Variants in TMEM117 observed in about 807,000 individuals in gnomAD.
TMEM117 encodes transmembrane protein 117.
In TMEM117, 27 loss-of-function variants were observed where a neutral mutation model predicts 52.4. That is an observed-to-expected ratio of 0.51 (90% CI 0.38 to 0.71). The LOEUF is 0.71. TMEM117 is among the 30% of genes least tolerant of loss of function. The pLI is 0.00. For synonymous variants in TMEM117, 215 were observed against 206.3 expected (o/e 1.04, Z -0.36); for missense variants, 556 against 630.5 (o/e 0.88, Z 1.26).
chr12:43,835,715 C>T (rs549330039), upstream of TMEM117, among the ~76,000 whole-genome samples: 14 of 152,258 alleles, frequency 9.2e-5, no homozygotes, highest in South Asian at 2.9e-3. Flanking sequence ...CAGCCGCCCC[C>T]CAACCCCCAC....
intron 2 of TMEM117, among the ~76,000 whole-genome samples, chr12:43,883,840 G>GT (rs1943941943): frequency 6.6e-6 from 1 of 151,830 alleles, no homozygotes. Flanking sequence ...AGGAAATATA[G>GT]TAAGAGTGGC....
At chr12:44,249,332 C>T (rs979737364) in intron 5 of TMEM117, among the ~76,000 whole-genome samples, 4 of 151,870 alleles carry the variant, frequency 2.6e-5, no homozygotes, top group South Asian at 2.1e-4. Context: ...ATCCATACAA[C>T]GGGTAAAATT....
At chr12:44,147,382 C>CT (rs1948658250) in intron 4 of TMEM117, among the ~76,000 whole-genome samples, 1 of 152,106 alleles carries the variant, frequency 6.6e-6, no homozygotes, top group Admixed American at 6.5e-5. Context: ...CTGATGAGGT[C>CT]TAAGGTGGCA....
At chr12:43,991,935 G>T (rs765972644) in intron 3 of TMEM117, among the ~76,000 whole-genome samples, 1 of 152,088 alleles carries the variant, frequency 6.6e-6, no homozygotes, top group Admixed American at 6.5e-5. Context: ...CTAGGCGGAC[G>T]GGTTGCTTGA....
chr12:43,861,550 T>C (rs1943489792), intron 2 of TMEM117, among the ~76,000 whole-genome samples: 1 of 152,248 alleles, frequency 6.6e-6, no homozygotes, highest in African/African-American at 2.4e-5. Context: ...GCTTAACAGC[T>C]GAATTCTAGA....
chr12:44,205,451 G>A (rs1477100272), intron 4 of TMEM117, among the ~76,000 whole-genome samples: 1 of 152,108 alleles, frequency 6.6e-6, no homozygotes, highest in African/African-American at 2.4e-5. Context: ...TTTATTAGCA[G>A]TGTGAGAACA....
intron 2 of TMEM117, among the ~76,000 whole-genome samples, chr12:43,875,544 G>A (rs576060051): frequency 2.6e-5 from 4 of 152,276 alleles, no homozygotes; most frequent in Non-Finnish European, 5.9e-5. Flanking sequence ...TAAAAGTCAT[G>A]CAGGACTGTG....
chr12:43,917,539 G>A (rs954142223), intron 2 of TMEM117, among the ~76,000 whole-genome samples: 3 of 152,108 alleles, frequency 2.0e-5, no homozygotes, highest in Non-Finnish European at 4.4e-5. Context: ...ACCCCAGTGG[G>A]CAGTGGCAAA....
intron 3 of TMEM117, among the ~76,000 whole-genome samples, chr12:44,014,720 G>A (rs1056291859): frequency 6.6e-6 from 1 of 152,066 alleles, no homozygotes; most frequent in African/African-American, 2.4e-5. Flanking sequence ...CCATCTGTTG[G>A]TTACTGCTAT....
At chr12:44,307,435 T>G (rs919844657) in intron 6 of TMEM117, among the ~76,000 whole-genome samples, 3 of 152,222 alleles carry the variant, frequency 2.0e-5, no homozygotes, top group Non-Finnish European at 4.4e-5. Context: ...AACATCTTCA[T>G]TTTTCCTTAC....
intron 3 of TMEM117, among the ~76,000 whole-genome samples, chr12:44,063,200 A>G (rs1210469442): frequency 6.6e-6 from 1 of 152,220 alleles, no homozygotes; most frequent in Non-Finnish European, 1.5e-5. Flanking sequence ...AAGACTGTAT[A>G]TGCGTATTTC....
intron 3 of TMEM117, among the ~76,000 whole-genome samples, chr12:43,969,089 CCATAGAAATATCTTTTTA>C (rs1945533149): frequency 6.6e-6 from 1 of 150,906 alleles, no homozygotes; most frequent in African/African-American, 2.5e-5. Flanking sequence ...CACAACAGAG[CCATAGAAATATCTTTTTA>C]CTTTACAGAA....
intron 3 of TMEM117, among the ~76,000 whole-genome samples, chr12:43,954,758 G>A (rs1370673347): frequency 6.6e-6 from 1 of 152,168 alleles, no homozygotes; most frequent in Non-Finnish European, 1.5e-5. Flanking sequence ...TTGAAAAGGA[G>A]GGAATCCTCC....
At chr12:44,211,449 G>C (rs1402302800) in intron 5 of TMEM117, 62 bp downstream of exon 5, 8 of 1,186,064 alleles carry the variant, frequency 6.7e-6, no homozygotes, top group Non-Finnish European at 9.8e-6. Context: ...ACTTTAGTTG[G>C]ATGTAATTTT....
intron 3 of TMEM117, among the ~76,000 whole-genome samples, chr12:43,960,353 AAAG>A (rs1054858797): frequency 6.6e-6 from 1 of 152,010 alleles, no homozygotes; most frequent in Non-Finnish European, 1.5e-5. Flanking sequence ...GAGGAAGAAG[AAAG>A]AGAATGAGAC....
chr12:44,378,929 T>C (rs1050064464), intron 7 of TMEM117, among the ~76,000 whole-genome samples: 2 of 152,078 alleles, frequency 1.3e-5, no homozygotes, highest in African/African-American at 2.4e-5. Context: ...ATGCAAACAA[T>C]TGGGTGTCTG....
At chr12:44,314,764 T>G (rs983613149) in intron 6 of TMEM117, among the ~76,000 whole-genome samples, 1 of 152,122 alleles carries the variant, frequency 6.6e-6, no homozygotes, top group Non-Finnish European at 1.5e-5. Flanking sequence ...AGGGTGATAC[T>G]AGCTTCATAG....
chr12:44,357,447 C>G (rs536985893), intron 6 of TMEM117, among the ~76,000 whole-genome samples: 95 of 152,076 alleles, frequency 6.2e-4, no homozygotes, highest in Non-Finnish European at 1.2e-3. Flanking sequence ...AGAAGCACAG[C>G]GAAGTGACTA....
At chr12:44,231,590 T>C (rs1366346800) in intron 5 of TMEM117, among the ~76,000 whole-genome samples, 2 of 151,798 alleles carry the variant, frequency 1.3e-5, no homozygotes, top group Non-Finnish European at 3.0e-5. Context: ...CCACAATTAG[T>C]GTATGAAAGT....
Sources: allele counts gnomAD v4.1 joint callset (sites outside exome capture counted in the v4.1 genomes callset), GRCh38; gene constraint gnomAD v4.1.1; transcripts MANE v1.5; gene names NCBI Gene and HGNC (gene_info 2026-07-23, HGNC 2026-07-21).